Variants in NLRP2 observed in about 807,000 individuals in gnomAD.
NLRP2 encodes the protein NLR family pyrin domain containing 2.
Under a neutral mutation model 97.2 loss-of-function variants are expected in NLRP2, and 107 were observed. The ratio of observed to expected loss-of-function variants is 1.10; its 90% CI spans 0.94 to 1.29. The LOEUF (loss-of-function observed/expected upper bound fraction) is 1.29, where lower values mean the gene tolerates loss of function less well. NLRP2 is among the 50% of genes most tolerant of loss of function. The pLI is 0.00. For synonymous variants in NLRP2, 663 were observed against 551.5 expected (o/e 1.20, Z -2.83); for missense variants, 1,495 against 1,330.3 (o/e 1.12, Z -1.93).
At chr19:54,977,106 C>G in intron 3 of NLRP2, 1 of 286,054 alleles carries the variant, frequency 3.5e-6, no homozygotes, top group Non-Finnish European at 6.8e-6. Context: ...GCCACCATGC[C>G]CGGCTGATTC....
intron 8 of NLRP2, chr19:54,989,771 AT>A: frequency 5.3e-6 from 3 of 568,718 alleles, no homozygotes; most frequent in Non-Finnish European, 6.3e-6. Context: ...ATCACCTGAG[AT>A]TGGGAGTTTG....
At chr19:54,987,756 A>T (rs888603654) in intron 8 of NLRP2, among the ~76,000 whole-genome samples, 27 of 147,670 alleles carry the variant, frequency 1.8e-4, no homozygotes, top group Admixed American at 1.7e-3. Context: ...AAAAAAAAAA[A>T]TCTTGGCTGG....
At chr19:54,987,308 T>C (rs571241271) in intron 8 of NLRP2, among the ~76,000 whole-genome samples, 7 of 152,254 alleles carry the variant, frequency 4.6e-5, no homozygotes, top group Admixed American at 4.6e-4. Flanking sequence ...TTCAGGAACA[T>C]CAAGTTGCCC....
At chr19:54,985,498 C>G (rs2071997502) in intron 7 of NLRP2, among the ~76,000 whole-genome samples, 1 of 148,390 alleles carries the variant, frequency 6.7e-6, no homozygotes, top group African/African-American at 2.5e-5. Context: ...GCCAACGTGA[C>G]AAAACCCTGC....
intron 8 of NLRP2, among the ~76,000 whole-genome samples, chr19:54,987,032 A>ACT (rs2072140258): frequency 6.6e-6 from 1 of 151,208 alleles, no homozygotes; most frequent in Non-Finnish European, 1.5e-5. Context: ...TTACAGGTGC[A>ACT]CACCACCACA....
At chr19:54,971,682 T>C (rs181632241) in intron 2 of NLRP2, among the ~76,000 whole-genome samples, 20 of 152,262 alleles carry the variant, frequency 1.3e-4, no homozygotes, top group Middle Eastern at 6.8e-3. Flanking sequence ...TGTTTTTTTC[T>C]TGTAAATTAT....
chr19:54,976,538 G>A (rs1180714013), intron 3 of NLRP2, among the ~76,000 whole-genome samples: 1 of 151,858 alleles, frequency 6.6e-6, no homozygotes, highest in East Asian at 1.9e-4. Context: ...GTAGAGACAG[G>A]GTTTCACCAT....
At chr19:54,996,037 CAAAAAAAAA>C (rs544759995) in intron 11 of NLRP2, among the ~76,000 whole-genome samples, 1 of 73,362 alleles carries the variant, frequency 1.4e-5, no homozygotes, top group East Asian at 4.3e-4. Context: ...GATCCTGTCT[CAAAAAAAAA>C]AAAAAAACAA....
At chr19:55,000,270 CTTTTTTTTTTTTTTTTTTTTTTTTT>C (rs1157138794) in intron 12 of NLRP2, among the ~76,000 whole-genome samples, 14 of 36,026 alleles carry the variant, frequency 3.9e-4, no homozygotes, top group Admixed American at 4.8e-4. Flanking sequence ...GAGAGACTGT[CTTTTTTTTTTTTTTTTTTTTTTTTT>C]TTTTTTTTTT....
rs1395545618 is a variant in NLRP2, at chr19:54,985,691, A to AAG, written c.2202-459_2202-458insGA. Among the ~76,000 whole-genome samples, 4 of 149,246 alleles carry AAG rather than the reference A, an allele frequency of 2.7e-5. No individual in the cohort carries two copies. In the East Asian group the frequency reaches 7.8e-4, roughly 29 times the overall value. ...AGACTGCGTCTCAAAAAAAAAAAAA[A>AAG]AAAAAAAGAAAAAGAAAAAAAGGGC... On this transcript the variant is annotated intron_variant, in intron 7 of 12. Coordinates refer to ENST00000448584, the MANE Select transcript of NLRP2 (RefSeq NM_017852.5).
chr19:54,995,855 A>G (rs940447714), intron 11 of NLRP2, among the ~76,000 whole-genome samples: 5 of 151,876 alleles, frequency 3.3e-5, no homozygotes, highest in Non-Finnish European at 7.4e-5. Context: ...CAGCCTGGCC[A>G]ACACAATGAA....
chr19:54,984,410 G>C (rs1422072791), intron 6 of NLRP2, among the ~76,000 whole-genome samples: 4 of 133,022 alleles, frequency 3.0e-5, no homozygotes, highest in Admixed American at 8.4e-5. Context: ...AAAGCACTGA[G>C]ATTACAGGCA....
Position 54,986,240 on chromosome 19 carries a change from G to T in NLRP2, c.2291G>T (p.Gly764Val). 6.2e-7 allele frequency: 1 copy of T among 1,613,932 alleles called. No homozygotes were observed. Residue 764 changes from glycine to valine, a missense_variant, in exon 8 of 13, where the codon GGC becomes GTC. Physicochemically the swap from Gly to Val is moderately radical, Grantham distance 109. Transcript: ENST00000448584. ...ACTGTAACGTATCTGACCCTTCAAGGCAATGACCAGGATGATATGTTTCCC... is the reference window on the plus strand; with the variant it reads ...ACTGTAACGTATCTGACCCTTCAAGTCAATGACCAGGATGATATGTTTCCC... ...HKTVTYLTLQ[G>V]NDQDDMFPAL...
Position 54,982,604 on chromosome 19 carries a change from G to A in NLRP2, c.906G>A (p.Glu302=), listed in dbSNP as rs2071666076. ...GAGCCGCACCTGGGGCGCTGATCGAGGACATCTGCGGGGACTGGGAGAAGA... is the reference window on the plus strand; with the variant it reads ...GAGCCGCACCTGGGGCGCTGATCGAAGACATCTGCGGGGACTGGGAGAAGA... ...ELGAAPGALI[E]DICGDWEKKK... Residue 302 remains glutamate (E), a synonymous_variant, in exon 6 of 13, where the codon GAG becomes GAA. Transcript: ENST00000448584. 6.2e-7 allele frequency: 1 copy of A among 1,614,170 alleles called. No individual in the cohort carries two copies. The highest frequency in any genetic ancestry group is 8.5e-7 in the Non-Finnish European group (1 of 1,180,040).
In NLRP2 at chr19:55,001,062, C is replaced by T. The variant is rs1182809287; in HGVS notation, c.*164C>T. 1.1e-5 allele frequency: 7 copies of T among 628,250 alleles called. No individual in the cohort carries two copies. Among genetic ancestry groups the T allele is most frequent in the African/African-American group, 3.8e-5 (2 of 52,866 alleles). 38.9% of individuals were successfully genotyped at this position (628,250 alleles called of 1,614,324 possible). On this transcript the variant is annotated 3_prime_UTR_variant, in exon 13 of 13. Transcript: ENST00000448584. ...TCTGCCTCTGTTTTATACCTGCACA[C>T]ATCCTTATCTTTGTTACATATGAAA...
intron 8 of NLRP2, among the ~76,000 whole-genome samples, chr19:54,989,266 T>A (rs1025089241): frequency 2.4e-4 from 36 of 150,992 alleles, no homozygotes; most frequent in Admixed American, 2.2e-3. Flanking sequence ...AAGTTAGGAG[T>A]TTGAGACCAG....
In NLRP2 at chr19:54,982,539, C is replaced by G. The variant is rs76399676; in HGVS notation, c.841C>G (p.Arg281Gly). 30 of 1,614,208 alleles carry G rather than the reference C, an allele frequency of 1.9e-5. No individual in the cohort carries two copies. Among genetic ancestry groups the G allele is most frequent in the Non-Finnish European group, 2.3e-5 (27 of 1,180,046 alleles). The change falls in exon 6 of 13, where the codon CGG (arginine) becomes GGG (glycine). Residue 281 changes from arginine to glycine, a missense_variant. By Grantham distance (125) the Arg-to-Gly change is moderately radical (BLOSUM62 -2). Transcript: ENST00000448584. The part of the protein sequence containing the change: ...DDIPHILAQA[R>G]KILFVIDGFD... ...CATTCCACACATCCTAGCCCAAGCA[C>G]GGAAAATCTTGTTCGTGATTGACGG...
chr19:54,965,478 C>T (rs1457039895), upstream of NLRP2: 4 of 100,856 alleles, frequency 4.0e-5, no homozygotes, highest in South Asian at 2.7e-4. Context: ...TTTTCTGAGA[C>T]GGAGTCTCGC....
chr19:54,993,548 C>A, intron 10 of NLRP2: 1 of 155,782 alleles, frequency 6.4e-6, no homozygotes, highest in Non-Finnish European at 1.4e-5. Context: ...GCCTGTAAGA[C>A]ACTACCTCTC....
Sources: gnomAD v4.1 joint callset for allele counts (sites outside exome capture counted in the v4.1 genomes callset) on GRCh38, gnomAD v4.1.1 for gene constraint, MANE v1.5 for transcripts, NCBI Gene and HGNC (gene_info 2026-07-23, HGNC 2026-07-21) for gene names.